Variants in GOLGA3 observed in about 807,000 individuals in gnomAD.
The protein encoded by GOLGA3 is golgin A3, also known as golgin subfamily A member 3.
In GOLGA3, 75 loss-of-function variants were observed where a neutral mutation model predicts 169.4. The ratio of observed to expected loss-of-function variants is 0.44; its 90% CI spans 0.37 to 0.54. The LOEUF is 0.54. Among genes scored for constraint, GOLGA3 ranks in the 20% least tolerant of loss-of-function variants. The pLI is 0.00. For synonymous variants in GOLGA3, 824 were observed against 822.4 expected (o/e 1.00, Z -0.03); for missense variants, 1,899 against 1,930.0 (o/e 0.98, Z 0.30).
rs1566088178 is a variant in GOLGA3, at chr12:132,787,791, ACCACGGG to A, written c.2812-1011_2812-1005del. Among the ~76,000 whole-genome samples the A allele has an allele frequency of 1.4e-3, 31 of 21,732 alleles. 9 individuals are homozygous for A. The highest frequency in any genetic ancestry group is 3.1e-3 in the East Asian group (3 of 956). 14.3% of individuals were successfully genotyped at this position (21,732 alleles called of 152,430 possible). A position where few individuals can be genotyped will look rare whatever the true frequency, so the allele number is the denominator to read the frequency against. ...GAGACCACGGGACCCCTCCCCGGAG[ACCACGGG>A]ACCCCTCCCCGGAGACCCCGGGACC... On this transcript the variant is annotated intron_variant, in intron 13 of 23. Coordinates refer to ENST00000450791, the MANE Select transcript of GOLGA3 (RefSeq NM_001389683.1).
rs748411104 is a variant in GOLGA3, at chr12:132,775,213, C to T, written c.4071G>A (p.Lys1357=). Residue 1357 remains lysine (K), a synonymous_variant, in exon 22 of 24, where the codon AAG becomes AAA. Coordinates refer to ENST00000450791, the MANE Select transcript of GOLGA3 (RefSeq NM_001389683.1). ...GCTGGAGCAGGGTCTTCATGTTGTT[C>T]TTCAGCTCCGACACTTTTGCCTGGA... is the stretch of plus-strand genomic sequence containing the variant. ...FMLQAKVSEL[K]NNMKTLLQQN... is the part of the protein sequence containing the mutation. 23 of 1,614,070 alleles carry T rather than the reference C, an allele frequency of 1.4e-5. No individual in the cohort carries two copies. The highest frequency in any genetic ancestry group is 5.5e-5 in the South Asian group (5 of 91,088).
At chr12:132,774,733 C>A in intron 22 of GOLGA3, 1 of 422,336 alleles carries the variant, frequency 2.4e-6, no homozygotes, top group Non-Finnish European at 4.2e-6. Context: ...GCACACGACG[C>A]TAAACGGCCT....
chr12:132,784,360 C>CT (rs1425315153), intron 15 of GOLGA3, 53 bp from the exon 16 acceptor site: 21 of 1,492,748 alleles, frequency 1.4e-5, no homozygotes, highest in Admixed American at 1.8e-5. Context: ...CCTGACCCCC[C>CT]TCACTTCCTG....
chr12:132,796,790 G>T, intron 9 of GOLGA3, 90 bp from the exon 10 acceptor site: 2 of 1,227,260 alleles, frequency 1.6e-6, no homozygotes, highest in Non-Finnish European at 2.3e-6. Flanking sequence ...GAAACCCACC[G>T]CCCTGGCATG....
intron 6 of GOLGA3, among the ~76,000 whole-genome samples, chr12:132,806,826 TA>T (rs1197550915): frequency 6.6e-6 from 1 of 151,898 alleles, no homozygotes; most frequent in Non-Finnish European, 1.5e-5. Context: ...GCACAATTAG[TA>T]TCAGAAAAAG....
At chr12:132,812,681 T>C (rs1353544903) in intron 4 of GOLGA3, among the ~76,000 whole-genome samples, 2 of 152,226 alleles carry the variant, frequency 1.3e-5, no homozygotes, top group Non-Finnish European at 2.9e-5. Context: ...CCTGAAGATG[T>C]GACTGAATTG....
At chr12:132,800,864 T>C (rs796431602) in intron 8 of GOLGA3, among the ~76,000 whole-genome samples, 39 of 151,708 alleles carry the variant, frequency 2.6e-4, no homozygotes, top group African/African-American at 9.2e-4. Context: ...GAGGCTGAGG[T>C]AGGAGAATAG....
chr12:132,801,638 G>T (rs367598338), intron 8 of GOLGA3, 129 bp downstream of exon 8: 1 of 846,484 alleles, frequency 1.2e-6, no homozygotes, highest in Non-Finnish European at 1.9e-6. Flanking sequence ...ACACGGGGTG[G>T]GCTGGACAGC....
In GOLGA3 at chr12:132,777,778, G is replaced by A; in HGVS notation, c.3610C>T (p.His1204Tyr). Residue 1204 changes from histidine to tyrosine, a missense_variant, in exon 19 of 24, where the codon CAT becomes TAT. His to Tyr is a moderately conservative substitution (Grantham distance 83). Coordinates refer to ENST00000450791, the MANE Select transcript of GOLGA3 (RefSeq NM_001389683.1). The surrounding 1 kb of genome is among the most constrained non-coding windows in gnomAD (Gnocchi z 4.7). ...QVAAAKVEAG[H>Y]NRRHFKAASL... ...GCCGCCTTGAAGTGGCGGCGGTTAT[G>A]CCCGGCTTCCACCTTGGCAGCAGCC... 1.2e-6 allele frequency: 2 copies of A among 1,613,626 alleles called. No homozygotes were observed. Among genetic ancestry groups the A allele is most frequent in the Non-Finnish European group, 1.7e-6 (2 of 1,179,902 alleles).
intron 3 of GOLGA3, among the ~76,000 whole-genome samples, chr12:132,815,408 A>G (rs994408648): frequency 6.6e-6 from 1 of 152,234 alleles, no homozygotes; most frequent in Non-Finnish European, 1.5e-5. Context: ...ACACATCTGT[A>G]ACTTCAGGAC....
intron 13 of GOLGA3, among the ~76,000 whole-genome samples, chr12:132,788,188 G>A (rs367948647): frequency 3.2e-4 from 48 of 152,168 alleles, no homozygotes; most frequent in African/African-American, 1.2e-3. Context: ...TTCCAACAAT[G>A]ATGGTGCCGG....
intron 4 of GOLGA3, among the ~76,000 whole-genome samples, chr12:132,812,192 T>TACACACACAC (rs140337948): frequency 0.098 from 13,210 of 134,834 alleles, 828 homozygotes; most frequent in South Asian, 0.15. Flanking sequence ...TGTCTCAAAA[T>TACACACACAC]ACACACACAC....
At chr12:132,826,255 A>AG (rs1296151015) in intron 1 of GOLGA3, 8 of 1,271,876 alleles carry the variant, frequency 6.3e-6, no homozygotes, top group African/African-American at 3.0e-5. Flanking sequence ...AAAAAAAAAA[A>AG]AAAGAAACTG....
At chr12:132,812,231 T>A (rs11147089) in intron 4 of GOLGA3, among the ~76,000 whole-genome samples, 15,169 of 103,896 alleles carry the variant, frequency 0.15, 832 homozygotes, top group South Asian at 0.3. Context: ...ATATATATAT[T>A]TTTTTTAACT....
intron 6 of GOLGA3, among the ~76,000 whole-genome samples, chr12:132,806,009 C>T (rs1949379621): frequency 6.6e-6 from 1 of 152,212 alleles, no homozygotes; most frequent in African/African-American, 2.4e-5. Flanking sequence ...CACCGCAGTG[C>T]TGTGTGGTCC....
chr12:132,813,233 G>T, intron 4 of GOLGA3, 74 bp downstream of exon 4: 1 of 970,698 alleles, frequency 1.0e-6, no homozygotes, highest in Non-Finnish European at 1.6e-6. Context: ...GCAGGTCCCC[G>T]GGTTATGTGG....
At chr12:132,789,950 T>C (rs1281512666) in intron 12 of GOLGA3, among the ~76,000 whole-genome samples, 1 of 151,080 alleles carries the variant, frequency 6.6e-6, no homozygotes, top group Admixed American at 6.6e-5. Context: ...TGAGAATCAT[T>C]TGAACCTGGC....
chr12:132,805,059 A>G (rs1430994315), intron 6 of GOLGA3, 37 bp from the exon 7 acceptor site: 2 of 1,584,190 alleles, frequency 1.3e-6, no homozygotes, highest in South Asian at 1.1e-5. Flanking sequence ...ATTTTAAGAA[A>G]ACGAGTCACT....
chr12:132,825,680 C>CT (rs1950380837), intron 1 of GOLGA3: 2 of 1,055,276 alleles, frequency 1.9e-6, no homozygotes, highest in Non-Finnish European at 3.0e-6. Context: ...GGAAGAGCAC[C>CT]TTTTTTCAGT....
Sources: allele counts gnomAD v4.1 joint callset (sites outside exome capture counted in the v4.1 genomes callset), GRCh38; gene constraint gnomAD v4.1.1; non-coding constraint Gnocchi (gnomAD v3.1); transcripts MANE v1.5; gene names NCBI Gene and HGNC (gene_info 2026-07-23, HGNC 2026-07-21).